Variants in MID1 observed in about 807,000 individuals in gnomAD.
MID1 encodes the protein E3 ubiquitin-protein ligase Midline-1.
Under a neutral mutation model 40.4 loss-of-function variants are expected in MID1, and 7 were observed. The observed-to-expected ratio is 0.17, with a 90% CI of 0.10 to 0.33. MID1 has a LOEUF of 0.33. MID1 is among the 10% of genes least tolerant of loss of function. The pLI, the probability that MID1 is intolerant of heterozygous loss-of-function variation, is 1.00. For missense variants in MID1, 367 were observed against 558.5 expected (o/e 0.66, Z 3.46); for synonymous variants, 229 against 221.2 (o/e 1.04, Z -0.31).
chrX:10,678,165 T>C (rs1287761193), intron 1 of MID1, among the ~76,000 whole-genome samples: 1 of 111,865 alleles, frequency 8.9e-6, no homozygotes, highest in Non-Finnish European at 1.9e-5. Context: ...CATTTTGCCA[T>C]AAAATTATAT....
intron 6 of MID1, among the ~76,000 whole-genome samples, chrX:10,472,022 T>C (rs1929737244): frequency 8.9e-6 from 1 of 112,342 alleles, no homozygotes; most frequent in African/African-American, 3.2e-5. Flanking sequence ...GAGTTTGTCC[T>C]GAGAAGTCAA....
At chrX:10,603,671 G>A (rs944641672) in intron 1 of MID1, among the ~76,000 whole-genome samples, 3 of 111,551 alleles carry the variant, frequency 2.7e-5, no homozygotes, top group African/African-American at 6.5e-5. Context: ...GTAACTGCAC[G>A]TGTTCTGTGT....
intron 1 of MID1, among the ~76,000 whole-genome samples, chrX:10,730,163 A>T (rs1026007182): frequency 9.0e-6 from 1 of 111,052 alleles, no homozygotes; most frequent in Admixed American, 9.6e-5. Flanking sequence ...AATACAATAC[A>T]ATTAACCTAG....
chrX:10,818,583 T>C (rs2044154559), intron 1 of MID1, among the ~76,000 whole-genome samples: 1 of 112,203 alleles, frequency 8.9e-6, no homozygotes, highest in African/African-American at 3.2e-5. Flanking sequence ...GTGGAAGCAG[T>C]ACTAAGCAAC....
chrX:10,722,998 C>G (rs1412143281), intron 1 of MID1, among the ~76,000 whole-genome samples: 5 of 110,802 alleles, frequency 4.5e-5, no homozygotes, highest in Non-Finnish European at 9.4e-5. Context: ...AGTAATGCTA[C>G]CCAGTGAGTT....
At chrX:10,703,545 T>C (rs138429590) in intron 1 of MID1, among the ~76,000 whole-genome samples, 2,115 of 110,956 alleles carry the variant, frequency 0.019, 49 homozygotes, top group African/African-American at 0.066. Flanking sequence ...TGCGCACCCA[T>C]AGTCCCAGCT....
chrX:10,553,339 C>T (rs1933998573), intron 2 of MID1, among the ~76,000 whole-genome samples: 1 of 110,550 alleles, frequency 9.0e-6, no homozygotes, highest in African/African-American at 3.3e-5. Flanking sequence ...TTGTGCACAA[C>T]CATGTTTGAG....
rs1483111752 is a variant in MID1 at position 10,737,215 on chromosome X, T to G, written c.-187+96339A>C. Among the ~76,000 whole-genome samples, 3 of 112,569 alleles carry G rather than the reference T, an allele frequency of 2.7e-5. No homozygotes were observed. The Admixed American group carries it at 2.8e-4, about 11-fold the overall frequency. ...TCAAAAATATGCTTAGGAACAAACA[T>G]AAGCTCCAAGGATGAGAGTGATTTG... On this transcript the variant is annotated intron_variant, in intron 1 of 10. Coordinates refer to the MID1 transcript ENST00000380785.
intron 1 of MID1, among the ~76,000 whole-genome samples, chrX:10,802,189 A>G (rs1212076515): frequency 8.9e-6 from 1 of 111,949 alleles, no homozygotes; most frequent in Non-Finnish European, 1.9e-5. Flanking sequence ...TCAAAAAATA[A>G]AAAACTAAAA....
chrX:10,614,836 G>A (rs1442704837), intron 1 of MID1, among the ~76,000 whole-genome samples: 9 of 112,086 alleles, frequency 8.0e-5, no homozygotes, highest in Non-Finnish European at 1.7e-4. Flanking sequence ...TTTCCATCCT[G>A]TATAACACAG....
intron 1 of MID1, among the ~76,000 whole-genome samples, chrX:10,741,410 A>C (rs2043522450): frequency 9.0e-6 from 1 of 110,567 alleles, no homozygotes; most frequent in Admixed American, 9.7e-5. Flanking sequence ...TGAACCCTGA[A>C]TTAAGTAAGT....
intron 1 of MID1, among the ~76,000 whole-genome samples, chrX:10,578,267 A>G (rs976531602): frequency 6.2e-5 from 7 of 112,941 alleles, no homozygotes; most frequent in Non-Finnish European, 1.1e-4. Context: ...TGTCCTCGGA[A>G]GAGACACACA....
rs1214377703 is a variant in MID1, at chrX:10,534,145, A to T, written c.661-10958T>A. On this transcript the variant is annotated intron_variant, in intron 2 of 9. Coordinates refer to ENST00000317552, the MANE Select transcript of MID1 (RefSeq NM_000381.4). ...GTCTGTATAGGCCCCTTCAAGCTTT[A>T]CTTCCTCCATCACTCAGGGATTGAA... is the stretch of plus-strand genomic sequence containing the variant. 1.6e-4 allele frequency among the ~76,000 whole-genome samples: 18 copies of T among 111,171 alleles called. No individual in the cohort carries two copies. The Admixed American group carries it at 1.7e-3, about 11-fold the overall frequency.
At chrX:10,647,557 AAAT>A (rs1936274399) in intron 1 of MID1, among the ~76,000 whole-genome samples, 1 of 111,812 alleles carries the variant, frequency 8.9e-6, no homozygotes, top group Non-Finnish European at 1.9e-5. Context: ...AACCCTGAAA[AAAT>A]AACATGATAT....
intron 2 of MID1, among the ~76,000 whole-genome samples, chrX:10,541,834 T>A (rs866177693): frequency 2.2e-5 from 1 of 44,853 alleles, no homozygotes; most frequent in African/African-American, 8.5e-5. Flanking sequence ...GGTGGGAGGG[T>A]GGGGGCTTCA....
rs140873650 is a variant in MID1, at chrX:10,564,413, G to A, written c.660+2475C>T. Reference sequence around the variant, plus strand: ...TTTAAAATTCTAACGTAAGTGGCATGTTTTAAAACAAACATGCTATGTCGA... The same window carrying A: ...TTTAAAATTCTAACGTAAGTGGCATATTTTAAAACAAACATGCTATGTCGA... On this transcript the variant is annotated intron_variant, in intron 2 of 9. Transcript: ENST00000317552. Among the ~76,000 whole-genome samples, 368 of 112,377 alleles carry A rather than the reference G, an allele frequency of 3.3e-3. 2 individuals are homozygous for A. Among genetic ancestry groups the A allele is most frequent in the African/African-American group, 0.011 (335 of 31,006 alleles).
chrX:10,816,013 C>T (rs1364917513), intron 1 of MID1, among the ~76,000 whole-genome samples: 1 of 111,766 alleles, frequency 8.9e-6, no homozygotes, highest in African/African-American at 3.3e-5. Context: ...GATGTGCAGA[C>T]TCTCAGGCTT....
intron 2 of MID1, among the ~76,000 whole-genome samples, chrX:10,556,973 T>A (rs1219233702): frequency 8.9e-6 from 1 of 112,270 alleles, no homozygotes; most frequent in African/African-American, 3.2e-5. Flanking sequence ...ATCTATATAT[T>A]AAGACATTCA....
At chrX:10,498,563 C>T (rs1454654817) in intron 3 of MID1, among the ~76,000 whole-genome samples, 3 of 112,235 alleles carry the variant, frequency 2.7e-5, no homozygotes, top group Non-Finnish European at 5.6e-5. Context: ...AGAACATTTT[C>T]AGTGCCCAGA....
Sources: gnomAD v4.1 joint callset for allele counts (sites outside exome capture counted in the v4.1 genomes callset) on GRCh38, gnomAD v4.1.1 for gene constraint, MANE v1.5 for transcripts, NCBI Gene and HGNC (gene_info 2026-07-23, HGNC 2026-07-21) for gene names.